The following KDM5A variants were observed in gnomAD, a reference collection of about 807,000 sequenced individuals.
KDM5A encodes lysine demethylase 5A.
KDM5A carries 42 observed loss-of-function variants against 193.5 expected under a neutral mutation model. That is an observed-to-expected ratio of 0.22 (90% CI 0.17 to 0.28). The LOEUF (loss-of-function observed/expected upper bound fraction) is 0.28, where lower values mean the gene tolerates loss of function less well. KDM5A is among the 10% of genes least tolerant of loss of function. The pLI, the probability that KDM5A is intolerant of heterozygous loss-of-function variation, is 1.00. For missense variants in KDM5A, 1,692 were observed against 2,055.1 expected (o/e 0.82, Z 3.42); for synonymous variants, 796 against 718.1 (o/e 1.11, Z -1.73).
intron 24 of KDM5A, among the ~76,000 whole-genome samples, chr12:306,545 C>G (rs1345930814): frequency 6.6e-6 from 1 of 152,014 alleles, no homozygotes; most frequent in Non-Finnish European, 1.5e-5. Context: ...GAGTTCAAGA[C>G]CAGCCTGGCC....
At chr12:334,185 T>C (rs984146184) in intron 11 of KDM5A, 56 bp downstream of exon 11, 10 of 1,456,258 alleles carry the variant, frequency 6.9e-6, no homozygotes, top group Admixed American at 3.4e-5. Flanking sequence ...CCTAGCATCA[T>C]TAATCCACTA....
intron 9 of KDM5A, 102 bp downstream of exon 9, chr12:352,103 C>CAAAAA (rs58266653): frequency 1.0e-4 from 39 of 378,732 alleles, no homozygotes; most frequent in African/African-American, 7.0e-4. Context: ...GACTCCGTCT[C>CAAAAA]AAAAAAAAAA....
intron 10 of KDM5A, among the ~76,000 whole-genome samples, chr12:343,739 T>C (rs1591922700): frequency 6.6e-6 from 1 of 152,002 alleles, no homozygotes; most frequent in Non-Finnish European, 1.5e-5. Context: ...AAAGGTCATC[T>C]ATACCAAAAC....
chr12:353,161 T>C (rs1434789642), intron 8 of KDM5A, among the ~76,000 whole-genome samples: 6 of 151,906 alleles, frequency 3.9e-5, no homozygotes, highest in African/African-American at 1.2e-4. Context: ...CTGGCCAACA[T>C]GGTAAACCTT....
intron 10 of KDM5A, among the ~76,000 whole-genome samples, chr12:341,231 G>A (rs1422753049): frequency 6.6e-6 from 1 of 152,114 alleles, no homozygotes; most frequent in African/African-American, 2.4e-5. Flanking sequence ...CAATGGAAGG[G>A]TGTGAAGACA....
At chr12:355,086 T>C (rs752465529) in intron 7 of KDM5A, 72 bp downstream of exon 7, 6 of 891,330 alleles carry the variant, frequency 6.7e-6, no homozygotes, top group South Asian at 1.3e-5. Flanking sequence ...TACCATGATA[T>C]ATCAGGATAG....
In KDM5A at chr12:333,541, C is replaced by A. The variant is rs750987808; in HGVS notation, c.1599G>T (p.Leu533=). Residue 533 remains leucine (L), a synonymous_variant, in exon 12 of 28, where the codon CTG becomes CTT. Transcript: ENST00000399788. ...PELFESQPDL[L]HQLVTIMNPN... is the part of the protein sequence containing the mutation. Reference sequence around the variant, plus strand: ...GGTTCATGATGGTAACTAACTGATGCAGAAGATCAGGCTGGGATTCAAATA... The same window carrying A: ...GGTTCATGATGGTAACTAACTGATGAAGAAGATCAGGCTGGGATTCAAATA... The A allele has an allele frequency of 6.2e-7, 1 of 1,614,184 alleles. No individual in the cohort carries two copies. Among genetic ancestry groups the A allele is most frequent in the East Asian group, 2.2e-5 (1 of 44,882 alleles).
intron 3 of KDM5A, among the ~76,000 whole-genome samples, chr12:379,506 AT>A (rs2137492090): frequency 6.6e-6 from 1 of 152,352 alleles, no homozygotes; most frequent in African/African-American, 2.4e-5. Flanking sequence ...TACGCTTGAA[AT>A]TTGTGCATTA....
chr12:353,369 C>A lies in KDM5A; in HGVS notation c.1029+707G>T, dbSNP rs188158618. On this transcript the variant is annotated intron_variant, in intron 8 of 27. Coordinates refer to ENST00000399788, the MANE Select transcript of KDM5A (RefSeq NM_001042603.3). ...TAAATACTAAATAAATAAAAGATACCGTCAGTTTATTTAATAGCATGAAAT... is the reference window on the plus strand; with the variant it reads ...TAAATACTAAATAAATAAAAGATACAGTCAGTTTATTTAATAGCATGAAAT... 6.7e-3 allele frequency among the ~76,000 whole-genome samples: 1,020 copies of A among 152,092 alleles called. 16 individuals carry two copies. The highest frequency in any genetic ancestry group is 0.02 in the South Asian group (97 of 4,808).
chr12:336,876 A>G (rs1943941138), intron 10 of KDM5A, among the ~76,000 whole-genome samples: 1 of 152,162 alleles, frequency 6.6e-6, no homozygotes, highest in Non-Finnish European at 1.5e-5. Context: ...ACATATATAA[A>G]ATTCCAAATA....
chr12:376,014 C>T (rs1375702621), intron 3 of KDM5A, among the ~76,000 whole-genome samples: 2 of 152,234 alleles, frequency 1.3e-5, no homozygotes, highest in African/African-American at 4.8e-5. Flanking sequence ...CCCAGTTAGG[C>T]TACTTGGGGG....
chr12:294,575 ACTAT>A (rs1286393420), intron 26 of KDM5A, among the ~76,000 whole-genome samples: 3 of 152,246 alleles, frequency 2.0e-5, no homozygotes, highest in African/African-American at 7.2e-5. Context: ...ACTGGAAAAC[ACTAT>A]CTAAATTAGG....
At chr12:358,067 G>A (rs1025853724) in intron 5 of KDM5A, among the ~76,000 whole-genome samples, 15 of 152,076 alleles carry the variant, frequency 9.9e-5, no homozygotes, top group African/African-American at 3.6e-4. Context: ...GTGTGCTTAT[G>A]TGAAAAATTT....
chr12:311,240 T>A, intron 20 of KDM5A, 176 bp from the exon 21 acceptor site: 1 of 641,842 alleles, frequency 1.6e-6, no homozygotes, highest in East Asian at 2.8e-5. Context: ...AAAGTTTGTG[T>A]AAATTATTTT....
chr12:353,173 T>C (rs192132567), intron 8 of KDM5A, among the ~76,000 whole-genome samples: 1 of 152,008 alleles, frequency 6.6e-6, no homozygotes, highest in African/African-American at 2.4e-5. Flanking sequence ...GTAAACCTTG[T>C]CTCTACAAAA....
chr12:387,226 C>CAA (rs201508413), intron 1 of KDM5A: 113 of 296,462 alleles, frequency 3.8e-4, no homozygotes, highest in East Asian at 6.8e-4. Context: ...GTTGAGTAGT[C>CAA]AAAAAAAAAA....
chr12:380,993 TTTTA>T, intron 3 of KDM5A, among the ~76,000 whole-genome samples: 1 of 71,124 alleles, frequency 1.4e-5, no homozygotes, highest in Admixed American at 1.4e-4. Flanking sequence ...ATAGGTTTTA[TTTTA>T]TTTTTTTTTT....
intron 24 of KDM5A, among the ~76,000 whole-genome samples, chr12:301,885 A>C (rs201607746): frequency 2.6e-5 from 2 of 75,838 alleles, no homozygotes; most frequent in African/African-American, 5.2e-5. Flanking sequence ...TTCACACACA[A>C]ACAGAGAGCC....
At position 388,910 on chromosome 12, in the gene KDM5A, T is replaced by C; in HGVS notation, c.165+17A>G. The C allele has an allele frequency of 6.2e-7, 1 of 1,614,140 alleles. No individual in the cohort carries two copies. Among genetic ancestry groups the C allele is most frequent in the East Asian group, 2.2e-5 (1 of 44,892 alleles). ...CCATTCTTCCTTCTCCCCCTCTCTC[T>C]TCACAGACTGAGGTACCTTGGGCGG... On this transcript the variant is annotated intron_variant, in intron 1 of 27. Transcript: ENST00000399788.
Sources: allele counts gnomAD v4.1 joint callset (sites outside exome capture counted in the v4.1 genomes callset), GRCh38; gene constraint gnomAD v4.1.1; transcripts MANE v1.5; gene names NCBI Gene and HGNC (gene_info 2026-07-23, HGNC 2026-07-21).